Variants in MSRB3 observed in about 807,000 individuals in gnomAD.
MSRB3 encodes the protein methionine sulfoxide reductase B3, also known as methionine-R-sulfoxide reductase B3.
MSRB3 carries 13 observed loss-of-function variants against 21.0 expected under a neutral mutation model. The ratio of observed to expected loss-of-function variants is 0.62; its 90% CI spans 0.40 to 0.98. MSRB3 has a LOEUF of 0.98. MSRB3 is among the 50% of genes least tolerant of loss of function. The probability of loss-of-function intolerance (pLI) is 0.00; values close to 1 mark genes in which losing one functional copy is unlikely to be tolerated. For missense variants in MSRB3, 199 were observed against 230.3 expected (o/e 0.86, Z 0.88); for synonymous variants, 87 against 88.6 (o/e 0.98, Z 0.10).
chr12:65,404,930 C>T (rs998669599), intron 5 of MSRB3, among the ~76,000 whole-genome samples: 3 of 151,950 alleles, frequency 2.0e-5, no homozygotes, highest in African/African-American at 7.3e-5. Flanking sequence ...CCCTGACTAC[C>T]AGCCCCTGAT....
chr12:65,377,472 G>C (rs1356019936), intron 5 of MSRB3, among the ~76,000 whole-genome samples: 1 of 151,766 alleles, frequency 6.6e-6, no homozygotes, highest in African/African-American at 2.4e-5. Context: ...GCTAATTTTT[G>C]TATTTTCAGT....
chr12:65,356,173 A>C (rs1351635477), intron 4 of MSRB3, among the ~76,000 whole-genome samples: 1 of 151,902 alleles, frequency 6.6e-6, no homozygotes, highest in Non-Finnish European at 1.5e-5. Flanking sequence ...TTTAGTGATG[A>C]ATTATTTTAG....
At chr12:65,345,633 A>G (rs544801099) in intron 4 of MSRB3, among the ~76,000 whole-genome samples, 74 of 152,264 alleles carry the variant, frequency 4.9e-4, no homozygotes, top group Non-Finnish European at 9.7e-4. Flanking sequence ...CACAACGTGC[A>G]GGTTTGTTAC....
intron 4 of MSRB3, among the ~76,000 whole-genome samples, chr12:65,361,547 C>G (rs1161934662): frequency 3.3e-5 from 5 of 152,068 alleles, no homozygotes; most frequent in African/African-American, 1.2e-4. Flanking sequence ...TTTTTATATA[C>G]CTTTTGCTCT....
intron 4 of MSRB3, among the ~76,000 whole-genome samples, chr12:65,350,210 A>T (rs1291849754): frequency 6.6e-6 from 1 of 151,516 alleles, no homozygotes; most frequent in Non-Finnish European, 1.5e-5. Flanking sequence ...GTCAAAGATC[A>T]GATAGTTGTA....
chr12:65,294,381 T>G (rs148691643), intron 1 of MSRB3, among the ~76,000 whole-genome samples: 1 of 152,332 alleles, frequency 6.6e-6, no homozygotes, highest in Admixed American at 6.5e-5. Flanking sequence ...GGAGTTGGCC[T>G]TTTCTTCAAT....
chr12:65,464,437 A>T lies in MSRB3; in HGVS notation c.*1115A>T, dbSNP rs1232355564. 6.6e-6 allele frequency: 1 copy of T among 152,268 alleles called. No homozygotes were observed. The highest frequency in any genetic ancestry group is 1.5e-5 in the Non-Finnish European group (1 of 68,092). The allele number at this position is 152,268 out of a possible 1,614,324, so 9.4% of individuals were successfully genotyped here. ...ACTGCACTCCAGCCTGAACAGAGTG[A>T]GATCCTGTCAAAAAAGAAAAGAAAA... On this transcript the variant is annotated 3_prime_UTR_variant, in exon 7 of 7. Coordinates refer to ENST00000308259, the MANE Select transcript of MSRB3 (RefSeq NM_001031679.3).
intron 4 of MSRB3, among the ~76,000 whole-genome samples, chr12:65,342,872 A>AATATGCATACCTATAAAT (rs1301275323): frequency 6.6e-6 from 1 of 152,094 alleles, no homozygotes; most frequent in African/African-American, 2.4e-5. Context: ...ATATCTATGA[A>AATATGCATACCTATAAAT]ATATGCATAC....
At chr12:65,426,542 T>G (rs1881609083) in intron 5 of MSRB3, among the ~76,000 whole-genome samples, 1 of 152,234 alleles carries the variant, frequency 6.6e-6, no homozygotes, top group Non-Finnish European at 1.5e-5. Flanking sequence ...GGATTGAATC[T>G]GATTGATGAT....
intron 5 of MSRB3, among the ~76,000 whole-genome samples, chr12:65,438,792 A>C (rs1046229639): frequency 1.3e-5 from 2 of 151,790 alleles, no homozygotes; most frequent in Non-Finnish European, 2.9e-5. Flanking sequence ...CTGATTTTCC[A>C]ATAACAGCAG....
At chr12:65,376,176 G>A (rs1278953126) in intron 5 of MSRB3, among the ~76,000 whole-genome samples, 1 of 145,682 alleles carries the variant, frequency 6.9e-6, no homozygotes, top group African/African-American at 2.5e-5. Context: ...CCAGAGTGCA[G>A]TGGCGCCGTC....
intron 5 of MSRB3, among the ~76,000 whole-genome samples, chr12:65,430,273 T>C (rs1881812978): frequency 6.6e-6 from 1 of 152,218 alleles, no homozygotes; most frequent in Non-Finnish European, 1.5e-5. Context: ...AAGTGGACTA[T>C]AGAATCAAAC....
At chr12:65,293,887 T>G (rs2136399515) in intron 1 of MSRB3, among the ~76,000 whole-genome samples, 1 of 152,308 alleles carries the variant, frequency 6.6e-6, no homozygotes, top group African/African-American at 2.4e-5. Flanking sequence ...TTTTAATCTT[T>G]CAGTGTGACA....
chr12:65,327,349 A>C (rs890667378), intron 3 of MSRB3, among the ~76,000 whole-genome samples: 4 of 152,262 alleles, frequency 2.6e-5, no homozygotes, highest in Non-Finnish European at 5.9e-5. Flanking sequence ...AGAAGGTAGC[A>C]TAATTTAGTT....
chr12:65,452,502 C>A (rs1259043044), intron 5 of MSRB3, among the ~76,000 whole-genome samples: 3 of 152,016 alleles, frequency 2.0e-5, no homozygotes, highest in Non-Finnish European at 4.4e-5. Context: ...GCTAGTATGT[C>A]TCAGCATAAT....
chr12:65,335,903 C>G (rs1026419370), intron 4 of MSRB3, among the ~76,000 whole-genome samples: 1 of 152,144 alleles, frequency 6.6e-6, no homozygotes, highest in African/African-American at 2.4e-5. Context: ...TGCCTCTCAC[C>G]TTATTCAAAA....
At position 65,278,690 on chromosome 12, in the gene MSRB3, C is replaced by A. The variant is rs2136375390; in HGVS notation, c.-227C>A. On this transcript the variant is annotated 5_prime_UTR_variant, in exon 1 of 7. Transcript: ENST00000308259. ...GCCCAGGAATTTCCCGTCATGCCTC[C>A]CGCCGCCCCGTCCGTCGCCCGGAGC... 7.7e-7 allele frequency: 1 copy of A among 1,300,222 alleles called. No homozygotes were observed. Among genetic ancestry groups the A allele is most frequent in the Non-Finnish European group, 1.1e-6 (1 of 930,760 alleles). The allele number at this position is 1,300,222 out of a possible 1,614,324, so 80.5% of individuals were successfully genotyped here.
chr12:65,316,018 T>G (rs1874274826), intron 2 of MSRB3: 1 of 152,196 alleles, frequency 6.6e-6, no homozygotes, highest in Non-Finnish European at 1.5e-5. Context: ...TTAATCTTCC[T>G]TCTGCAAATT....
chr12:65,285,250 T>C (rs1317323571), intron 1 of MSRB3: 1 of 152,186 alleles, frequency 6.6e-6, no homozygotes, highest in Admixed American at 6.5e-5. Context: ...TCTCTTCAAG[T>C]GTTGACTGCA....
Sources: allele counts gnomAD v4.1 joint callset (sites outside exome capture counted in the v4.1 genomes callset), GRCh38; gene constraint gnomAD v4.1.1; transcripts MANE v1.5; gene names NCBI Gene and HGNC (gene_info 2026-07-23, HGNC 2026-07-21).